ZCCHC14: variants seen among roughly 807,000 people sequenced by gnomAD.
The protein encoded by ZCCHC14 is zinc finger CCHC domain-containing protein 14.
In ZCCHC14, 16 loss-of-function variants were observed where a neutral mutation model predicts 85.0. The observed-to-expected ratio is 0.19, with a 90% CI of 0.13 to 0.29. ZCCHC14 has a LOEUF of 0.29. Ranked by LOEUF, ZCCHC14 falls within the 10% of genes least tolerant of loss-of-function variation. The probability of loss-of-function intolerance (pLI) is 1.00; values close to 1 mark genes in which losing one functional copy is unlikely to be tolerated. For missense variants in ZCCHC14, 1,303 were observed against 1,443.5 expected (o/e 0.90, Z 1.58); for synonymous variants, 775 against 630.7 (o/e 1.23, Z -3.43).
rs554080155 is a variant in ZCCHC14 at position 87,449,170 on chromosome 16, C to T, written c.694+10838G>A. 7.4e-4 allele frequency among the ~76,000 whole-genome samples: 113 copies of T among 152,342 alleles called. 1 individual carries two copies. The South Asian group carries it at 7.7e-3, about 10-fold the overall frequency. ...GGCGCTCATCTTGGGTGCTCCTGAGCTCTGCTGGTTGGCTGTTACACAGCT... is the reference window on the plus strand; with the variant it reads ...GGCGCTCATCTTGGGTGCTCCTGAGTTCTGCTGGTTGGCTGTTACACAGCT... On this transcript the variant is annotated intron_variant, in intron 2 of 12. Coordinates refer to ENST00000671377, the MANE Select transcript of ZCCHC14 (RefSeq NM_015144.3).
At chr16:87,451,119 C>CA (rs1460729852) in intron 2 of ZCCHC14, among the ~76,000 whole-genome samples, 3 of 148,408 alleles carry the variant, frequency 2.0e-5, no homozygotes, top group Non-Finnish European at 3.0e-5. Context: ...AGGCTGGTCT[C>CA]AAACTCCTGA....
At chr16:87,490,567 G>A (rs1460114298) in intron 1 of ZCCHC14, among the ~76,000 whole-genome samples, 1 of 152,212 alleles carries the variant, frequency 6.6e-6, no homozygotes, top group Non-Finnish European at 1.5e-5. Context: ...TCGCTAAGTG[G>A]ATGGCCAGGA....
intron 2 of ZCCHC14, among the ~76,000 whole-genome samples, chr16:87,449,328 A>G (rs1910584619): frequency 6.6e-6 from 1 of 152,068 alleles, no homozygotes. Flanking sequence ...TATCTCTAAA[A>G]CTCTGAAGAG....
Position 87,445,217 on chromosome 16 carries a change from C to T in ZCCHC14, c.695-12016G>A, listed in dbSNP as rs542325517. 2.2e-4 allele frequency among the ~76,000 whole-genome samples: 34 copies of T among 152,208 alleles called. No homozygotes were observed. In the Middle Eastern group the frequency reaches 0.01, roughly 46 times the overall value. On this transcript the variant is annotated intron_variant, in intron 2 of 12. Transcript: ENST00000671377. ...AAGCAGCTGGGACTACAGGTGTGCT[C>T]TACCACGCCCAGCTAATTTTTGTAT...
In ZCCHC14 at chr16:87,491,947, G is replaced by A. The variant is rs1912791808; in HGVS notation, c.292C>T (p.Gln98Ter). 1 of 1,449,364 alleles carries A rather than the reference G, an allele frequency of 6.9e-7. No individual in the cohort carries two copies. Among genetic ancestry groups the A allele is most frequent in the Non-Finnish European group, 9.1e-7 (1 of 1,104,882 alleles). The allele number at this position is 1,449,364 out of a possible 1,614,324, so 89.8% of individuals were successfully genotyped here. A position where few individuals can be genotyped will look rare whatever the true frequency, so the allele number is the denominator to read the frequency against. ...LVSLALLGSE[Q>*]REAAGVLYRT... ...TAGAGCACGCCCGCCGCCTCGCGCT[G>A]CTCCGAGCCCAGCAGCGCCAGCGAC... The change falls in exon 1 of 13, where the codon CAG (glutamine) becomes TAG (stop). Residue 98 changes from glutamine (Q) to a stop codon, truncating the protein, a stop_gained. Transcript: ENST00000671377. LOFTEE classifies it high-confidence loss of function. The surrounding 1 kb of genome is among the most constrained non-coding windows in gnomAD (Gnocchi z 5.9).
chr16:87,444,843 G>C (rs1910356777), intron 2 of ZCCHC14, among the ~76,000 whole-genome samples: 1 of 152,146 alleles, frequency 6.6e-6, no homozygotes, highest in African/African-American at 2.4e-5. Context: ...GGCATTACTG[G>C]GACAATGGCC....
intron 2 of ZCCHC14, among the ~76,000 whole-genome samples, chr16:87,444,604 C>G (rs1910343662): frequency 6.6e-6 from 1 of 152,174 alleles, no homozygotes; most frequent in Non-Finnish European, 1.5e-5. Context: ...CGACAGGACA[C>G]AGTGAGAGCA....
Position 87,411,964 on chromosome 16 carries a change from C to T in ZCCHC14, c.2757G>A (p.Pro919=), listed in dbSNP as rs747726837. 24 of 1,593,866 alleles carry T rather than the reference C, an allele frequency of 1.5e-5. No homozygotes were observed. Among genetic ancestry groups the T allele is most frequent in the East Asian group, 6.8e-5 (3 of 43,952 alleles). The stretch of plus-strand genomic sequence containing the variant: ...AGGACGTGCACACAATGCAGCCTGG[C>T]GGGGGTGGGGCGGGCTGCGGGGGTG... ...PPAPPQPAPP[P]PGCIVCTSCG... is the part of the protein sequence containing the mutation. Residue 919 remains proline (P), a synonymous_variant, in exon 12 of 13, where the codon CCG becomes CCA. Coordinates refer to ENST00000671377, the MANE Select transcript of ZCCHC14 (RefSeq NM_015144.3).
chr16:87,414,595 C>A, intron 9 of ZCCHC14, 54 bp from the exon 10 acceptor site: 1 of 1,561,012 alleles, frequency 6.4e-7, no homozygotes, highest in Non-Finnish European at 8.7e-7. Context: ...GGTGCTGCCT[C>A]ACATGCGGCT....
chr16:87,419,511 C>T (rs1056193920), intron 6 of ZCCHC14, among the ~76,000 whole-genome samples: 2 of 151,882 alleles, frequency 1.3e-5, no homozygotes, highest in Non-Finnish European at 2.9e-5. Flanking sequence ...CCATATTGGC[C>T]GGGCTGGTCT....
chr16:87,489,242 G>A (rs1012145159), intron 1 of ZCCHC14, among the ~76,000 whole-genome samples: 1 of 152,140 alleles, frequency 6.6e-6, no homozygotes, highest in Non-Finnish European at 1.5e-5. Flanking sequence ...AACCACGGTT[G>A]TTTTGAAATA....
intron 1 of ZCCHC14, among the ~76,000 whole-genome samples, chr16:87,465,069 C>A (rs1016921617): frequency 3.9e-5 from 6 of 152,246 alleles, no homozygotes; most frequent in African/African-American, 1.4e-4. Flanking sequence ...GCTCTTCACT[C>A]CATGCACTGC....
At chr16:87,454,113 G>GGA (rs1322620485) in intron 2 of ZCCHC14, among the ~76,000 whole-genome samples, 2 of 152,018 alleles carry the variant, frequency 1.3e-5, no homozygotes, top group Admixed American at 6.6e-5. Context: ...CCCATCTGAG[G>GGA]GAGAGAGAGA....
At chr16:87,448,163 C>G (rs2150749417) in intron 2 of ZCCHC14, among the ~76,000 whole-genome samples, 1 of 152,276 alleles carries the variant, frequency 6.6e-6, no homozygotes, top group East Asian at 1.9e-4. Context: ...TATTCCTAAT[C>G]TGAAAATCCA....
intron 2 of ZCCHC14, among the ~76,000 whole-genome samples, chr16:87,440,065 C>G (rs1910110944): frequency 6.6e-6 from 1 of 152,340 alleles, no homozygotes; most frequent in African/African-American, 2.4e-5. Flanking sequence ...CCTCAGCTTT[C>G]TACGCAGCCA....
intron 2 of ZCCHC14, among the ~76,000 whole-genome samples, chr16:87,458,917 A>G (rs1911114297): frequency 6.6e-6 from 1 of 152,154 alleles, no homozygotes; most frequent in African/African-American, 2.4e-5. Context: ...CTGTCTCCCC[A>G]CTACTGACGA....
intron 4 of ZCCHC14, 88 bp downstream of exon 4, chr16:87,423,722 G>C (rs1909224134): frequency 9.0e-6 from 13 of 1,451,866 alleles, no homozygotes; most frequent in Middle Eastern, 1.9e-4. Context: ...TAGCTGAAGG[G>C]AGTGGCCTCT....
At chr16:87,467,042 ATT>A (rs1567537604) in intron 1 of ZCCHC14, 7 of 389,166 alleles carry the variant, frequency 1.8e-5, no homozygotes, top group Admixed American at 9.9e-5. Context: ...AAAAAAAAAA[ATT>A]GTTTTTTTTT....
intron 2 of ZCCHC14, among the ~76,000 whole-genome samples, chr16:87,442,546 G>A (rs1473694521): frequency 1.3e-5 from 2 of 152,080 alleles, no homozygotes; most frequent in Non-Finnish European, 2.9e-5. Context: ...ACAAATCCAG[G>A]TGTAAAGAAC....
Sources: allele counts gnomAD v4.1 joint callset (sites outside exome capture counted in the v4.1 genomes callset), GRCh38; gene constraint gnomAD v4.1.1; non-coding constraint Gnocchi (gnomAD v3.1); transcripts MANE v1.5; gene names NCBI Gene and HGNC (gene_info 2026-07-23, HGNC 2026-07-21).